Variants in VSIG10L observed in about 807,000 individuals in gnomAD.
The protein encoded by VSIG10L is V-set and immunoglobulin domain containing 10 like.
Under a neutral mutation model 67.3 loss-of-function variants are expected in VSIG10L, and 63 were observed. The ratio of observed to expected loss-of-function variants is 0.94; its 90% CI spans 0.76 to 1.15. The LOEUF is 1.15. Ranked by LOEUF, VSIG10L falls within the 50% of genes most tolerant of loss-of-function variation. The pLI is 0.00. For missense variants in VSIG10L, 1,050 were observed against 1,177.5 expected, an observed-to-expected ratio of 0.89 and a Z score of 1.58; for synonymous variants, 499 against 524.9, an observed-to-expected ratio of 0.95 and a Z score of 0.67.
intron 4 of VSIG10L, 70 bp from the exon 5 acceptor site, chr19:51,339,212 G>A: frequency 7.9e-7 from 1 of 1,259,652 alleles, no homozygotes; most frequent in Non-Finnish European, 1.0e-6. Flanking sequence ...GCCTCCCCGC[G>A]CGGTGACTCC....
intron 4 of VSIG10L, 130 bp from the exon 5 acceptor site, chr19:51,339,272 C>A: frequency 1.0e-6 from 1 of 1,004,932 alleles, no homozygotes; most frequent in Non-Finnish European, 1.3e-6. Flanking sequence ...CCCCACTTTT[C>A]CTGCGATCCC....
intron 4 of VSIG10L, chr19:51,339,618 C>G: frequency 4.8e-6 from 1 of 208,824 alleles, no homozygotes; most frequent in Non-Finnish European, 9.5e-6. Flanking sequence ...TTGCTGATCC[C>G]ACTTAAGCAA....
rs955552940 is a variant in VSIG10L at position 51,332,045 on chromosome 19, A to G, written c.*566T>C. ...CTGTGATACTGGAGTCCGGGGGCAG[A>G]GAAAGAATTGGGAGGGGAGGTCAGG... On this transcript the variant is annotated 3_prime_UTR_variant, in exon 10 of 10. Transcript: ENST00000335624. 1 of 158,018 alleles carries G rather than the reference A, an allele frequency of 6.3e-6. No homozygotes were observed. The highest frequency in any genetic ancestry group is 2.4e-5 in the African/African-American group (1 of 41,502). 9.8% of individuals were successfully genotyped at this position (158,018 alleles called of 1,614,324 possible).
At chr19:51,337,134 G>C in intron 7 of VSIG10L, 104 bp downstream of exon 7, 3 of 1,313,126 alleles carry the variant, frequency 2.3e-6, no homozygotes, top group Non-Finnish European at 3.1e-6. Flanking sequence ...CTCAAGCCAT[G>C]CAGTTCATGG....
In VSIG10L at chr19:51,337,819, C is replaced by T. The variant is rs116977901; in HGVS notation, c.2008+111G>A. 9,107 of 1,351,446 alleles carry T rather than the reference C, an allele frequency of 6.7e-3. 39 individuals are homozygous for T. Among genetic ancestry groups the T allele is most frequent in the Non-Finnish European group, 7.7e-3 (7,778 of 1,016,276 alleles). 83.7% of individuals were successfully genotyped at this position (1,351,446 alleles called of 1,614,324 possible). The stretch of plus-strand genomic sequence containing the variant: ...GGTCTGAGGGAGGAGAGGCTGGGGG[C>T]CTGGATCCGAGGTCTGAGGGAGGAG... On this transcript the variant is annotated intron_variant, in intron 6 of 9. Coordinates refer to ENST00000335624, the MANE Select transcript of VSIG10L (RefSeq NM_001163922.3).
At chr19:51,336,912 G>A (rs962665981) in intron 7 of VSIG10L, among the ~76,000 whole-genome samples, 4 of 151,926 alleles carry the variant, frequency 2.6e-5, no homozygotes, top group South Asian at 2.1e-4. Flanking sequence ...GACTACAGGC[G>A]CCCGCCACCG....
intron 6 of VSIG10L, 84 bp from the exon 7 acceptor site, chr19:51,337,618 G>A (rs1176434802): frequency 1.0e-6 from 1 of 995,616 alleles, no homozygotes; most frequent in East Asian, 2.9e-5. Flanking sequence ...CTGGGTCTGA[G>A]GGGGAGGGGG....
At position 51,332,645 on chromosome 19, in the gene VSIG10L, A is replaced by C. The variant is rs769763868; in HGVS notation, c.2575-5T>G. On this transcript the variant is annotated splice_region_variant and splice_polypyrimidine_tract_variant and intron_variant, in intron 9 of 9. Coordinates refer to ENST00000335624, the MANE Select transcript of VSIG10L (RefSeq NM_001163922.3). ...CAACTGAACTGGGGTCTGTGCCTGG[A>C]AGAGAGAGGTGGGGTGAGGGGAGAA... 7 of 1,550,494 alleles carry C rather than the reference A, an allele frequency of 4.5e-6. No homozygotes were observed. Among genetic ancestry groups the C allele is most frequent in the Non-Finnish European group, 6.1e-6 (7 of 1,146,398 alleles).
At position 51,334,243 on chromosome 19, in the gene VSIG10L, C is replaced by G; in HGVS notation, c.2367G>C (p.Ala789=). ...GIVLGSLLGL[A]LLAVLLLLCI... Reference sequence around the variant, plus strand: ...AAAGGAGGAGAAGTACGGCTAGCAGCGCCAGGCCCAGCAGGGAGCCCAGGA... The same window carrying G: ...AAAGGAGGAGAAGTACGGCTAGCAGGGCCAGGCCCAGCAGGGAGCCCAGGA... Residue 789 remains alanine, a synonymous_variant, in exon 8 of 10, where the codon GCG becomes GCC. Transcript: ENST00000335624. 6.4e-7 allele frequency: 1 copy of G among 1,551,760 alleles called. No individual in the cohort carries two copies.
chr19:51,337,195 T>A, intron 7 of VSIG10L, 43 bp downstream of exon 7: 1 of 1,506,954 alleles, frequency 6.6e-7, no homozygotes, highest in African/African-American at 1.4e-5. Context: ...ACACGGAGGA[T>A]CTGGCACAAC....
In VSIG10L at chr19:51,341,243, C is replaced by A; in HGVS notation, c.805G>T (p.Ala269Ser). ...QARGVLELAS[A>S]QLDDAGVYTA... ...TAGACCCCTGCATCGTCCAGCTGGG[C>A]AGAGGCGAGCTCCAGAACCCCCCGG... Residue 269 changes from alanine (A) to serine (S), a missense_variant, in exon 2 of 10, where the codon GCC becomes TCC. Around this residue, in one of 3 missense-constraint regions of VSIG10L, gnomAD observed 511 missense variants for 557.9 expected, o/e 0.92. Transcript: ENST00000335624. 7 of 1,551,010 alleles carry A rather than the reference C, an allele frequency of 4.5e-6. No homozygotes were observed. Among genetic ancestry groups the A allele is most frequent in the Non-Finnish European group, 6.1e-6 (7 of 1,146,930 alleles).
At position 51,340,368 on chromosome 19, in the gene VSIG10L, C is replaced by G; in HGVS notation, c.1189+65G>C. On this transcript the variant is annotated intron_variant, in intron 3 of 9. Coordinates refer to ENST00000335624, the MANE Select transcript of VSIG10L (RefSeq NM_001163922.3). The surrounding 1 kb of genome is among the most constrained non-coding windows in gnomAD (Gnocchi z 6.3). ...GGGACGCCGCTAGGACTCCCGGAGA[C>G]TGGGTCCCCAGCCCGCTTCTCCCCA... 1 of 1,462,262 alleles carries G rather than the reference C, an allele frequency of 6.8e-7. No individual in the cohort carries two copies. 90.6% of individuals were successfully genotyped at this position (1,462,262 alleles called of 1,614,324 possible).
rs780943230 is a variant in VSIG10L at position 51,337,930 on chromosome 19, C to T, written c.2008G>A (p.Gly670Arg). 1 of 1,540,734 alleles carries T rather than the reference C, an allele frequency of 6.5e-7. No homozygotes were observed. The highest frequency in any genetic ancestry group is 2.5e-5 in the East Asian group (1 of 40,710). The change falls in exon 6 of 10, where the codon GGA (glycine) becomes AGA (arginine). Residue 670 changes from glycine (G) to arginine (R), a missense_variant and splice_region_variant. Coordinates refer to ENST00000335624, the MANE Select transcript of VSIG10L (RefSeq NM_001163922.3). ...GAGGDQITLI[G>R]PSISSWRLQR... ...GGTTTTTTGAAATAACGTGGCTCAC[C>T]AATGAGGGTGATCTGGTCACCGCCA... is the stretch of plus-strand genomic sequence containing the variant.
In VSIG10L at chr19:51,340,598, C is replaced by A. The variant is rs1242101426; in HGVS notation, c.1024G>T (p.Ala342Ser). Residue 342 changes from alanine (A) to serine (S), a missense_variant, in exon 3 of 10, where the codon GCC becomes TCC. Physicochemically the swap from Ala to Ser is moderately conservative, Grantham distance 99. This residue lies in a region of VSIG10L where 511 missense variants were observed against 557.9 expected (regional missense o/e 0.92). Transcript: ENST00000335624. This position sits in a 1 kb window ranked among gnomAD's most constrained non-coding sequence, Gnocchi z 6.3. ...GELSWSRDGR[A>S]LEAAESEGAE... ...CCCTCCGATTCCGCCGCCTCCAGGG[C>A]GCGTCCGTCCCGGCTCCAGCTCAGC... 3.3e-6 allele frequency: 5 copies of A among 1,535,366 alleles called. No homozygotes were observed. Among genetic ancestry groups the A allele is most frequent in the Non-Finnish European group, 3.5e-6 (4 of 1,146,430 alleles).
intron 4 of VSIG10L, 127 bp from the exon 5 acceptor site, chr19:51,339,269 T>C: frequency 5.9e-6 from 6 of 1,019,914 alleles, no homozygotes; most frequent in Non-Finnish European, 7.6e-6. Context: ...ACTCCCCACT[T>C]TTCCTGCGAT....
In VSIG10L at chr19:51,341,718, G is replaced by A; in HGVS notation, c.330C>T (p.Phe110=). The change falls in exon 2 of 10, where the codon TTC becomes TTT. Residue 110 remains phenylalanine (F), a synonymous_variant. Coordinates refer to ENST00000335624, the MANE Select transcript of VSIG10L (RefSeq NM_001163922.3). ...EGQDLSPVSP[F]SETPGSEVFP... Reference sequence around the variant, plus strand: ...ATACTTCAGAACCAGGGGTTTCAGAGAAGGGGGAAACCGGGCTCAAATCTT... The same window carrying A: ...ATACTTCAGAACCAGGGGTTTCAGAAAAGGGGGAAACCGGGCTCAAATCTT... The A allele has an allele frequency of 6.4e-7, 1 of 1,551,716 alleles. No individual in the cohort carries two copies. The highest frequency in any genetic ancestry group is 8.7e-7 in the Non-Finnish European group (1 of 1,146,990).
chr19:51,333,218 C>G (rs1260458046), intron 9 of VSIG10L, among the ~76,000 whole-genome samples: 2 of 152,046 alleles, frequency 1.3e-5, no homozygotes, highest in African/African-American at 2.4e-5. Context: ...TGGGCCTTGC[C>G]CAATTTTTAT....
At chr19:51,336,763 ATTTTTTTTTTTT>A (rs942291893) in intron 7 of VSIG10L, among the ~76,000 whole-genome samples, 2 of 97,066 alleles carry the variant, frequency 2.1e-5, no homozygotes, top group Admixed American at 2.4e-4. Flanking sequence ...CGACACCTTG[ATTTTTTTTTTTT>A]TTTTTTTTTT....
intron 4 of VSIG10L, 49 bp from the exon 5 acceptor site, chr19:51,339,191 T>C (rs1428070608): frequency 1.1e-5 from 14 of 1,263,714 alleles, no homozygotes; most frequent in South Asian, 9.7e-5. Flanking sequence ...TCTCATTTCT[T>C]CTCCAGCCCC....
Sources: allele counts gnomAD v4.1 joint callset (sites outside exome capture counted in the v4.1 genomes callset), GRCh38; gene constraint gnomAD v4.1.1; regional missense constraint gnomAD v4.1.1; non-coding constraint Gnocchi (gnomAD v3.1); transcripts MANE v1.5; gene names NCBI Gene and HGNC (gene_info 2026-07-23, HGNC 2026-07-21).